Variants in KANK1 observed in about 807,000 individuals in gnomAD.
KANK1 encodes KN motif and ankyrin repeat domain-containing protein 1.
KANK1 carries 109 observed loss-of-function variants against 106.2 expected under a neutral mutation model. That is an observed-to-expected ratio of 1.03 (90% CI 0.88 to 1.20). KANK1 has a LOEUF of 1.20. KANK1 is among the 50% of genes most tolerant of loss of function. The pLI is 0.00. For missense variants in KANK1, 2,399 were observed against 1,710.7 expected (o/e 1.40, Z -7.10); for synonymous variants, 873 against 652.2 (o/e 1.34, Z -5.16).
chr9:707,179 G>C, intron 2 of KANK1: 1 of 985,834 alleles, frequency 1.0e-6, no homozygotes. Flanking sequence ...CCGAGGCCGG[G>C]TCCGGCTGAG....
At chr9:670,776 T>G (rs1448859562) in intron 1 of KANK1, among the ~76,000 whole-genome samples, 4 of 152,086 alleles carry the variant, frequency 2.6e-5, no homozygotes, top group African/African-American at 9.7e-5. Flanking sequence ...GAGGCATGGA[T>G]AGGTCTCCTG....
intron 1 of KANK1, among the ~76,000 whole-genome samples, chr9:518,495 G>T (rs1052693498): frequency 6.6e-6 from 1 of 151,654 alleles, no homozygotes; most frequent in Non-Finnish European, 1.5e-5. Context: ...TGTAGGGGAG[G>T]GGTTCGGAGC....
In KANK1 at chr9:655,415, T is replaced by C. The variant is rs143496483; in HGVS notation, c.-83-21475T>C. Among the ~76,000 whole-genome samples, 412 of 151,190 alleles carry C rather than the reference T, an allele frequency of 2.7e-3. 9 individuals carry two copies. The highest frequency in any genetic ancestry group is 1.0e-2 in the African/African-American group (410 of 41,152). Reference sequence around the variant, plus strand: ...AATCCAAGATTGTGAACCATTACTGTAGGTTGCTCCAGATAAAAGGTAATG... The same window carrying C: ...AATCCAAGATTGTGAACCATTACTGCAGGTTGCTCCAGATAAAAGGTAATG... On this transcript the variant is annotated intron_variant, in intron 1 of 11. Coordinates refer to ENST00000382297, the MANE Select transcript of KANK1 (RefSeq NM_015158.5).
At chr9:586,154 A>G (rs1823409785) in intron 1 of KANK1, among the ~76,000 whole-genome samples, 1 of 152,186 alleles carries the variant, frequency 6.6e-6, no homozygotes, top group African/African-American at 2.4e-5. Context: ...GCATAGTGAG[A>G]TGGAATTTTG....
intron 1 of KANK1, among the ~76,000 whole-genome samples, chr9:611,425 C>T (rs1455906337): frequency 6.6e-6 from 1 of 152,152 alleles, no homozygotes; most frequent in Non-Finnish European, 1.5e-5. Flanking sequence ...AATGATTGAA[C>T]TTGGAATAAA....
At chr9:629,686 A>G (rs1362511427) in intron 1 of KANK1, among the ~76,000 whole-genome samples, 2 of 152,234 alleles carry the variant, frequency 1.3e-5, no homozygotes, top group African/African-American at 4.8e-5. Flanking sequence ...ACTCAGTTAC[A>G]GTGCCTCACA....
chr9:729,580 G>T (rs1490164917), intron 3 of KANK1, among the ~76,000 whole-genome samples: 1 of 152,222 alleles, frequency 6.6e-6, no homozygotes, highest in African/African-American at 2.4e-5. Flanking sequence ...AAATGAAGTT[G>T]CGGGGGTCAG....
chr9:536,600 T>G (rs1028446987), intron 1 of KANK1, among the ~76,000 whole-genome samples: 1 of 152,204 alleles, frequency 6.6e-6, no homozygotes, highest in African/African-American at 2.4e-5. Context: ...CTGGCTCCTC[T>G]TATGTGATCC....
intron 1 of KANK1, among the ~76,000 whole-genome samples, chr9:644,779 T>G (rs1399135799): frequency 6.6e-6 from 1 of 150,998 alleles, no homozygotes; most frequent in Non-Finnish European, 1.5e-5. Context: ...AATATTACTA[T>G]TAACCTGTGT....
At position 521,459 on chromosome 9, in the gene KANK1, C is replaced by A. The variant is rs118012597; in HGVS notation, c.-84+16705C>A. 1.1e-4 allele frequency among the ~76,000 whole-genome samples: 16 copies of A among 151,682 alleles called. 1 individual carries two copies. In the East Asian group the frequency reaches 3.1e-3, roughly 29 times the overall value. On this transcript the variant is annotated intron_variant, in intron 1 of 11. Coordinates refer to ENST00000382297, the MANE Select transcript of KANK1 (RefSeq NM_015158.5). ...GGGTTCTTCCTGAGCTCTTAACCTG[C>A]TTCCAGCTCTTAGTGAAAACTTGTT...
rs777959826 is a variant in KANK1, at chr9:676,923, T to A, written c.-50T>A. 6.5e-7 allele frequency: 1 copy of A among 1,531,622 alleles called. No individual in the cohort carries two copies. The highest frequency in any genetic ancestry group is 1.2e-5 in the South Asian group (1 of 86,736). The allele number at this position is 1,531,622 out of a possible 1,614,324, so 94.9% of individuals were successfully genotyped here. ...CCTTTGAGAACTTGATGCATAAAAT[T>A]TGCATGACTCCTCACTCCTTTCTGG... On this transcript the variant is annotated 5_prime_UTR_variant, in exon 2 of 12. It adds an upstream start codon to the 5' untranslated region. Transcript: ENST00000382297.
intron 1 of KANK1, among the ~76,000 whole-genome samples, chr9:584,992 C>T (rs1470075536): frequency 6.6e-6 from 1 of 152,190 alleles, no homozygotes; most frequent in Admixed American, 6.5e-5. Context: ...CCTTAGGGGT[C>T]ATGAGTGACC....
chr9:670,879 C>G (rs1355036207), intron 1 of KANK1, among the ~76,000 whole-genome samples: 2 of 149,496 alleles, frequency 1.3e-5, no homozygotes, highest in Non-Finnish European at 3.0e-5. Flanking sequence ...TTTACATGTG[C>G]TTGATACCAA....
chr9:483,852 C>T (rs1249274359), intron 3 of KANK1, among the ~76,000 whole-genome samples: 5 of 152,038 alleles, frequency 3.3e-5, no homozygotes, highest in African/African-American at 1.2e-4. Flanking sequence ...AGACAGCTGA[C>T]ATACAGATGT....
At chr9:554,323 G>C (rs971942993) in intron 1 of KANK1, among the ~76,000 whole-genome samples, 3 of 152,194 alleles carry the variant, frequency 2.0e-5, no homozygotes. Context: ...GGCAGGAAAA[G>C]ATAGAAGTTC....
rs757192948 is a variant in KANK1 at position 711,563 on chromosome 9, A to G, written c.797A>G (p.Gln266Arg). The G allele has an allele frequency of 4.5e-5, 72 of 1,613,906 alleles. No individual in the cohort carries two copies. Among genetic ancestry groups the G allele is most frequent in the South Asian group, 3.1e-4 (28 of 91,050 alleles). The change falls in exon 3 of 12, where the codon CAG becomes CGG. Residue 266 changes from glutamine (Q) to arginine (R), a missense_variant. Coordinates refer to ENST00000382297, the MANE Select transcript of KANK1 (RefSeq NM_015158.5). The part of the protein sequence containing the change: ...SPMHLQHIRE[Q>R]MAIALKRLKE... ...ATGCACCTGCAGCACATCCGCGAGC[A>G]GATGGCCATTGCTCTGAAACGCCTG...
intron 1 of KANK1, among the ~76,000 whole-genome samples, chr9:649,155 G>A (rs1359714388): frequency 6.6e-6 from 1 of 152,136 alleles, no homozygotes; most frequent in African/African-American, 2.4e-5. Context: ...GATACGTGTT[G>A]TATAGTTGGT....
intron 1 of KANK1, among the ~76,000 whole-genome samples, chr9:661,835 T>A (rs561102569): frequency 2.0e-5 from 3 of 151,782 alleles, no homozygotes; most frequent in Admixed American, 6.6e-5. Flanking sequence ...TGTGAGATGG[T>A]ATCTCATTGT....
chr9:676,859 C>A, intron 1 of KANK1, 31 bp from the exon 2 acceptor site: 1 of 750,086 alleles, frequency 1.3e-6, no homozygotes, highest in South Asian at 1.6e-5. Context: ...TTAAATGATC[C>A]ATTTTGATGG....
Sources: gnomAD v4.1 joint callset for allele counts (sites outside exome capture counted in the v4.1 genomes callset) on GRCh38, gnomAD v4.1.1 for gene constraint, MANE v1.5 for transcripts, NCBI Gene and HGNC (gene_info 2026-07-23, HGNC 2026-07-21) for gene names.